Variants in CEP120 observed in about 807,000 individuals in gnomAD.
CEP120 encodes centrosomal protein 120.
In CEP120, 113 loss-of-function variants were observed where a neutral mutation model predicts 126.5. That is an observed-to-expected ratio of 0.89 (90% CI 0.77 to 1.04). The LOEUF is 1.04. Among genes scored for constraint, CEP120 ranks in the 50% least tolerant of loss-of-function variants. CEP120 has a pLI of 0.00. For missense variants in CEP120, 1,230 were observed against 1,155.7 expected, an observed-to-expected ratio of 1.06 and a Z score of -0.93; for synonymous variants, 400 against 394.3, an observed-to-expected ratio of 1.01 and a Z score of -0.17.
chr5:123,395,568 G>A (rs904384966), intron 5 of CEP120, among the ~76,000 whole-genome samples: 1 of 151,990 alleles, frequency 6.6e-6, no homozygotes, highest in East Asian at 1.9e-4. Flanking sequence ...TGCCTATTGT[G>A]GATGATTCAT....
intron 19 of CEP120, among the ~76,000 whole-genome samples, chr5:123,347,486 T>C (rs1009079947): frequency 3.9e-5 from 6 of 152,198 alleles, no homozygotes; most frequent in African/African-American, 1.4e-4. Context: ...AAAGGGCATA[T>C]GCATGTTAAG....
intron 7 of CEP120, chr5:123,390,463 C>T (rs1772319634): frequency 2.7e-6 from 1 of 372,016 alleles, no homozygotes. Flanking sequence ...GAACTATACT[C>T]CTAAAGAGAA....
At chr5:123,390,920 G>C (rs1772349548) in intron 7 of CEP120, 190 bp downstream of exon 7, 1 of 550,732 alleles carries the variant, frequency 1.8e-6, no homozygotes, top group Non-Finnish European at 3.2e-6. Flanking sequence ...GAGGGCTCTG[G>C]GTAGAATCAC....
chr5:123,366,387 T>C (rs141680882), intron 17 of CEP120, among the ~76,000 whole-genome samples: 1 of 151,968 alleles, frequency 6.6e-6, no homozygotes, highest in African/African-American at 2.4e-5. Context: ...AGCCAAGTTA[T>C]ATACTCCTGA....
chr5:123,422,509 C>T (rs942824889), intron 1 of CEP120: 1 of 1,535,492 alleles, frequency 6.5e-7, no homozygotes, highest in Non-Finnish European at 8.7e-7. Flanking sequence ...AACTGTAGTC[C>T]CCTGAGTCCT....
chr5:123,373,339 G>A (rs1770978754), intron 16 of CEP120, among the ~76,000 whole-genome samples: 4 of 152,060 alleles, frequency 2.6e-5, no homozygotes, highest in South Asian at 4.1e-4. Context: ...AACAAAGAAG[G>A]AAAAAGAAAC....
chr5:123,392,674 G>A (rs1052325481), intron 6 of CEP120, among the ~76,000 whole-genome samples: 1 of 152,008 alleles, frequency 6.6e-6, no homozygotes, highest in Non-Finnish European at 1.5e-5. Context: ...CTATGTCTAA[G>A]TAATTTTTTA....
chr5:123,421,742 A>G (rs1774730491), intron 1 of CEP120, among the ~76,000 whole-genome samples: 1 of 152,132 alleles, frequency 6.6e-6, no homozygotes, highest in Non-Finnish European at 1.5e-5. Flanking sequence ...TCCTCATAGC[A>G]TGGTCAGTTA....
chr5:123,369,931 T>C (rs577326750), intron 17 of CEP120, among the ~76,000 whole-genome samples: 6 of 152,174 alleles, frequency 3.9e-5, no homozygotes, highest in Non-Finnish European at 7.4e-5. Flanking sequence ...AATAAATAGC[T>C]GGTGAAATGA....
At chr5:123,383,671 C>T (rs1223619275) in intron 11 of CEP120, among the ~76,000 whole-genome samples, 1 of 152,028 alleles carries the variant, frequency 6.6e-6, no homozygotes, top group Admixed American at 6.6e-5. Context: ...TTTTACTAGA[C>T]ATAAGCAATG....
intron 13 of CEP120, among the ~76,000 whole-genome samples, 157 bp downstream of exon 13, chr5:123,382,580 T>G (rs1771722111): frequency 6.6e-6 from 1 of 152,164 alleles, no homozygotes; most frequent in Non-Finnish European, 1.5e-5. Flanking sequence ...TTTCAGGTAT[T>G]TTTTGATTCT....
At chr5:123,368,198 G>A (rs1045394415) in intron 17 of CEP120, among the ~76,000 whole-genome samples, 4 of 151,778 alleles carry the variant, frequency 2.6e-5, no homozygotes, top group Non-Finnish European at 5.9e-5. Context: ...TTTTATTGTG[G>A]ATATTACCTA....
chr5:123,378,994 C>T (rs184143797), intron 14 of CEP120, among the ~76,000 whole-genome samples: 2 of 151,268 alleles, frequency 1.3e-5, no homozygotes, highest in East Asian at 3.9e-4. Context: ...GAAAGAGAGA[C>T]CAGTGAAGAC....
chr5:123,346,419 A>G lies in CEP120; in HGVS notation c.*100T>C. On this transcript the variant is annotated 3_prime_UTR_variant, in exon 20 of 20. Transcript: ENST00000306467. ...ACAAAATTTTGCTTATAAAAAATTG[A>G]AAATACCATTTTAAAACATCCATTT... The G allele has an allele frequency of 1.1e-6, 1 of 901,588 alleles. No homozygotes were observed. The highest frequency in any genetic ancestry group is 2.6e-5 in the East Asian group (1 of 37,968). 55.8% of individuals were successfully genotyped at this position (901,588 alleles called of 1,614,324 possible).
At chr5:123,407,476 T>C (rs1773773359) in intron 4 of CEP120, among the ~76,000 whole-genome samples, 1 of 152,086 alleles carries the variant, frequency 6.6e-6, no homozygotes, top group Admixed American at 6.5e-5. Flanking sequence ...CCAAAGAAAG[T>C]TCACAGGGAA....
intron 4 of CEP120, among the ~76,000 whole-genome samples, chr5:123,411,703 T>C (rs1322566672): frequency 6.6e-6 from 1 of 152,184 alleles, no homozygotes; most frequent in Non-Finnish European, 1.5e-5. Flanking sequence ...GAGGAATGAA[T>C]AGGTGGAGCA....
At chr5:123,357,586 C>A (rs1013389926) in intron 18 of CEP120, among the ~76,000 whole-genome samples, 1 of 151,978 alleles carries the variant, frequency 6.6e-6, no homozygotes. Context: ...ATGTAAGTGG[C>A]GTGGCAAAAC....
Position 123,401,788 on chromosome 5 carries a change from G to C in CEP120, c.464-2504C>G, listed in dbSNP as rs572953548. On this transcript the variant is annotated intron_variant, in intron 4 of 19. Transcript: ENST00000306467. Reference sequence around the variant, plus strand: ...ACAAATTCATTCTCCATCTCTGCACGCTTATTGATCTCATCCTCATACTTG... The same window carrying C: ...ACAAATTCATTCTCCATCTCTGCACCCTTATTGATCTCATCCTCATACTTG... The C allele has an allele frequency of 1.7e-5, 21 of 1,270,224 alleles. No individual in the cohort carries two copies. In the African/African-American group the frequency reaches 1.9e-4, roughly 11 times the overall value. The allele number at this position is 1,270,224 out of a possible 1,614,324, so 78.7% of individuals were successfully genotyped here.
At chr5:123,397,029 T>C (rs1052809702) in intron 5 of CEP120, among the ~76,000 whole-genome samples, 12 of 152,118 alleles carry the variant, frequency 7.9e-5, no homozygotes, top group African/African-American at 2.9e-4. Flanking sequence ...ATTAAAACAG[T>C]GATTTTAAAT....
Sources: allele counts gnomAD v4.1 joint callset (sites outside exome capture counted in the v4.1 genomes callset), GRCh38; gene constraint gnomAD v4.1.1; transcripts MANE v1.5; gene names NCBI Gene and HGNC (gene_info 2026-07-23, HGNC 2026-07-21).